CORIN: variants seen among roughly 807,000 people sequenced by gnomAD.
The protein encoded by CORIN is corin, serine peptidase.
In CORIN, 117 loss-of-function variants were observed where a neutral mutation model predicts 125.3. That is an observed-to-expected ratio of 0.93 (90% CI 0.80 to 1.09). CORIN has a LOEUF of 1.09. Among genes scored for constraint, CORIN ranks in the 50% least tolerant of loss-of-function variants. The pLI is 0.00. For missense variants in CORIN, 1,253 were observed against 1,306.7 expected, an observed-to-expected ratio of 0.96 and a Z score of 0.63; for synonymous variants, 450 against 466.4, an observed-to-expected ratio of 0.96 and a Z score of 0.45.
At chr4:47,737,237 T>C (rs1273833447) in intron 5 of CORIN, among the ~76,000 whole-genome samples, 2 of 152,226 alleles carry the variant, frequency 1.3e-5, no homozygotes, top group African/African-American at 2.4e-5. Context: ...ATTAAGGCTA[T>C]CTGGCCCCAT....
chr4:47,662,771 C>T (rs1272791767), intron 11 of CORIN, among the ~76,000 whole-genome samples: 1 of 152,116 alleles, frequency 6.6e-6, no homozygotes, highest in Non-Finnish European at 1.5e-5. Context: ...ACAGATCTTC[C>T]AGAAAGGCCA....
In CORIN at chr4:47,594,637, T is replaced by C. The variant is rs1454297467; in HGVS notation, c.*1084A>G. 6.6e-5 allele frequency: 10 copies of C among 152,178 alleles called. No homozygotes were observed. The highest frequency in any genetic ancestry group is 2.9e-5 in the Non-Finnish European group (2 of 68,016). 9.4% of individuals were successfully genotyped at this position (152,178 alleles called of 1,614,324 possible). A position where few individuals can be genotyped will look rare whatever the true frequency, so the allele number is the denominator to read the frequency against. On this transcript the variant is annotated 3_prime_UTR_variant, in exon 22 of 22. Coordinates refer to ENST00000273857, the MANE Select transcript of CORIN (RefSeq NM_006587.4). ...AGTCTTACTGTGCTCTAAAATATGC[T>C]CTTTATGACTTTGTTGGTATGGATG...
intron 1 of CORIN, among the ~76,000 whole-genome samples, chr4:47,823,912 C>A (rs966627046): frequency 1.3e-5 from 2 of 152,172 alleles, no homozygotes; most frequent in African/African-American, 4.8e-5. Context: ...TCCACACACA[C>A]CATCCTTACC....
chr4:47,687,513 G>C (rs561085540), intron 6 of CORIN, among the ~76,000 whole-genome samples: 2 of 151,810 alleles, frequency 1.3e-5, no homozygotes, highest in South Asian at 4.2e-4. Flanking sequence ...TGAAATTCTT[G>C]CATGTTAATA....
chr4:47,643,334 G>A (rs1723317484), intron 14 of CORIN, 78 bp from the exon 15 acceptor site: 3 of 1,318,414 alleles, frequency 2.3e-6, no homozygotes, highest in Non-Finnish European at 1.0e-6. Context: ...ATATCTTCAT[G>A]TGCCAGCAGG....
intron 13 of CORIN, among the ~76,000 whole-genome samples, chr4:47,647,896 T>C (rs911838208): frequency 6.6e-6 from 1 of 152,186 alleles, no homozygotes; most frequent in Non-Finnish European, 1.5e-5. Context: ...TTTCCATACA[T>C]CTTAAATACA....
chr4:47,678,099 TC>T (rs1284437264), intron 8 of CORIN, 45 bp from the exon 9 acceptor site: 5 of 1,326,512 alleles, frequency 3.8e-6, no homozygotes, highest in African/African-American at 2.9e-5. Context: ...TTAATTCTTC[TC>T]TCTCAATCTG....
intron 5 of CORIN, among the ~76,000 whole-genome samples, chr4:47,718,578 T>G (rs773327284): frequency 2.6e-5 from 4 of 152,224 alleles, no homozygotes; most frequent in African/African-American, 4.8e-5. Flanking sequence ...CAGTTGTCAT[T>G]GTAACCTAAC....
chr4:47,692,887 A>G, intron 6 of CORIN, 83 bp downstream of exon 6: 1 of 1,022,450 alleles, frequency 9.8e-7, no homozygotes. Context: ...GCAAACAAAA[A>G]GCAGTCTACA....
At chr4:47,740,198 G>A (rs1450556934) in intron 5 of CORIN, among the ~76,000 whole-genome samples, 1 of 151,868 alleles carries the variant, frequency 6.6e-6, no homozygotes, top group Non-Finnish European at 1.5e-5. Context: ...AACACAAATA[G>A]GTTGTAAGCT....
intron 1 of CORIN, among the ~76,000 whole-genome samples, chr4:47,829,952 C>G (rs1453938371): frequency 6.6e-6 from 1 of 152,142 alleles, no homozygotes; most frequent in Non-Finnish European, 1.5e-5. Flanking sequence ...TCTCAGCAAC[C>G]TAATACCAAC....
intron 5 of CORIN, among the ~76,000 whole-genome samples, chr4:47,695,241 A>T (rs1203349791): frequency 6.6e-6 from 1 of 152,238 alleles, no homozygotes; most frequent in Non-Finnish European, 1.5e-5. Flanking sequence ...GGTTTAAGAG[A>T]AAGTTTTAAA....
At chr4:47,761,394 C>T (rs1040735458) in intron 4 of CORIN, among the ~76,000 whole-genome samples, 1 of 151,438 alleles carries the variant, frequency 6.6e-6, no homozygotes, top group East Asian at 1.9e-4. Flanking sequence ...AGGCCCCAGG[C>T]GAGGGAGAGA....
intron 20 of CORIN, among the ~76,000 whole-genome samples, chr4:47,600,787 G>T (rs1373301563): frequency 1.3e-5 from 2 of 152,186 alleles, no homozygotes; most frequent in Non-Finnish European, 2.9e-5. Flanking sequence ...ACAGGGAAGG[G>T]TTGTCCTATT....
intron 5 of CORIN, among the ~76,000 whole-genome samples, chr4:47,719,313 C>CTTATT (rs909296575): frequency 5.3e-5 from 8 of 152,066 alleles, no homozygotes; most frequent in African/African-American, 1.9e-4. Context: ...GGGATTTTGC[C>CTTATT]TTATTTGTTC....
At chr4:47,766,937 ACT>A (rs2109878049) in intron 3 of CORIN, among the ~76,000 whole-genome samples, 1 of 137,416 alleles carries the variant, frequency 7.3e-6, no homozygotes, top group East Asian at 2.1e-4. Context: ...AAAGAGCAAG[ACT>A]CTGTCTCAAA....
intron 3 of CORIN, among the ~76,000 whole-genome samples, chr4:47,773,734 T>G (rs1250296745): frequency 1.3e-5 from 2 of 152,032 alleles, no homozygotes; most frequent in Non-Finnish European, 2.9e-5. Flanking sequence ...AACATGTCAT[T>G]TCTTTCTTTT....
At chr4:47,740,574 T>C (rs1728341445) in intron 5 of CORIN, among the ~76,000 whole-genome samples, 1 of 152,004 alleles carries the variant, frequency 6.6e-6, no homozygotes, top group African/African-American at 2.4e-5. Flanking sequence ...GAATGGTATA[T>C]TTACATATGT....
In CORIN at chr4:47,661,727, A is replaced by G; in HGVS notation, c.1719T>C (p.Pro573=). The G allele has an allele frequency of 6.2e-7, 1 of 1,611,556 alleles. No homozygotes were observed. The highest frequency in any genetic ancestry group is 8.5e-7 in the Non-Finnish European group (1 of 1,178,346). The change falls in exon 12 of 22, where the codon CCT becomes CCC. Residue 573 remains proline (P), a synonymous_variant. Transcript: ENST00000273857. ...AAAATTAACCTTCCACATATTCATCAGGCATCAGGCAGGTTTGATTGTCTG... is the reference window on the plus strand; with the variant it reads ...AAAATTAACCTTCCACATATTCATCGGGCATCAGGCAGGTTTGATTGTCTG... ...ENSDNQTCLM[P]DEYVEECSPS...
Sources: gnomAD v4.1 joint callset for allele counts (sites outside exome capture counted in the v4.1 genomes callset) on GRCh38, gnomAD v4.1.1 for gene constraint, MANE v1.5 for transcripts, NCBI Gene and HGNC (gene_info 2026-07-23, HGNC 2026-07-21) for gene names.